Variants in PCDH15 observed in about 807,000 individuals in gnomAD.
PCDH15 encodes protocadherin-15.
A neutral mutation model predicts 178.5 loss-of-function variants in PCDH15; 129 were observed. The ratio of observed to expected loss-of-function variants is 0.72; its 90% confidence interval spans 0.63 to 0.84. The LOEUF is 0.84. Among genes scored for constraint, PCDH15 ranks in the 40% least tolerant of loss-of-function variants. The pLI is 0.00. For synonymous variants in PCDH15, 800 were observed against 732.0 expected, an observed-to-expected ratio of 1.09 and a Z score of -1.50; for missense variants, 2,230 against 2,099.9, an observed-to-expected ratio of 1.06 and a Z score of -1.21.
intron 2 of PCDH15, among the ~76,000 whole-genome samples, chr10:54,584,908 A>C (rs946856013): frequency 2.0e-5 from 3 of 152,174 alleles, no homozygotes; most frequent in Non-Finnish European, 4.4e-5. Context: ...AAAACAAGGA[A>C]GAAAAAGTAA....
intron 10 of PCDH15, among the ~76,000 whole-genome samples, chr10:54,206,329 T>C (rs964707078): frequency 6.6e-6 from 1 of 152,108 alleles, no homozygotes; most frequent in Non-Finnish European, 1.5e-5. Context: ...ATCACCGACA[T>C]GTTGAACTAT....
chr10:54,657,437 G>C (rs185653450), intron 2 of PCDH15, among the ~76,000 whole-genome samples: 2 of 152,286 alleles, frequency 1.3e-5, no homozygotes, highest in Admixed American at 1.3e-4. Flanking sequence ...CACTGGACTG[G>C]AGAGTAAAAT....
At chr10:54,412,466 T>C (rs1953680066) in intron 3 of PCDH15, among the ~76,000 whole-genome samples, 1 of 152,112 alleles carries the variant, frequency 6.6e-6, no homozygotes, top group African/African-American at 2.4e-5. Context: ...AATTTCAAGT[T>C]GGGGAATTTG....
intron 8 of PCDH15, among the ~76,000 whole-genome samples, chr10:54,263,716 T>C (rs2057483831): frequency 6.6e-6 from 1 of 151,354 alleles, no homozygotes; most frequent in African/African-American, 2.4e-5. Flanking sequence ...AGTCATACTT[T>C]CAAGGAGAAT....
At chr10:55,595,064 CTGAAA>C (rs555129123) in intron 2 of PCDH15, among the ~76,000 whole-genome samples, 7 of 151,898 alleles carry the variant, frequency 4.6e-5, no homozygotes, top group Non-Finnish European at 8.8e-5. Flanking sequence ...TTGAAATTCA[CTGAAA>C]TATGTTGAAT....
At chr10:54,348,251 T>TAATTTAGGAA (rs1223791077) in intron 5 of PCDH15, among the ~76,000 whole-genome samples, 1 of 152,104 alleles carries the variant, frequency 6.6e-6, no homozygotes, top group Non-Finnish European at 1.5e-5. Context: ...GAAAAGAATA[T>TAATTTAGGAA]AATTATGACT....
chr10:54,240,930 C>G (rs1012732935), intron 8 of PCDH15, among the ~76,000 whole-genome samples: 6 of 151,988 alleles, frequency 3.9e-5, no homozygotes, highest in Non-Finnish European at 7.4e-5. Context: ...CGCGCCTGGC[C>G]AATTCTGTTA....
intron 3 of PCDH15, among the ~76,000 whole-genome samples, chr10:54,415,520 G>C (rs1014874866): frequency 6.6e-6 from 1 of 152,018 alleles, no homozygotes; most frequent in African/African-American, 2.4e-5. Context: ...TCAAATTTTA[G>C]CAATGGGATT....
At chr10:55,170,421 T>C (rs1839302353) in intron 1 of PCDH15, among the ~76,000 whole-genome samples, 1 of 152,072 alleles carries the variant, frequency 6.6e-6, no homozygotes, top group South Asian at 2.1e-4. Flanking sequence ...AGTGCTATGA[T>C]TACAGGAATG....
At chr10:55,572,725 G>T (rs77383948) in intron 2 of PCDH15, among the ~76,000 whole-genome samples, 6,782 of 152,026 alleles carry the variant, frequency 0.045, 420 homozygotes, top group East Asian at 0.31. Context: ...GAGAAAACAG[G>T]TCTCTCTGTG....
chr10:54,838,687 G>A (rs1250643032), intron 3 of PCDH15, among the ~76,000 whole-genome samples: 1 of 152,098 alleles, frequency 6.6e-6, no homozygotes, highest in African/African-American at 2.4e-5. Context: ...CTACGCAGCT[G>A]CAGTCTAGGA....
chr10:54,297,194 C>T (rs2059854073), intron 8 of PCDH15, among the ~76,000 whole-genome samples: 2 of 152,038 alleles, frequency 1.3e-5, no homozygotes, highest in South Asian at 2.1e-4. Flanking sequence ...AACAAAACCG[C>T]AGGTGGTTTT....
chr10:55,246,559 T>G (rs1841683865), intron 1 of PCDH15, among the ~76,000 whole-genome samples: 1 of 152,218 alleles, frequency 6.6e-6, no homozygotes, highest in Non-Finnish European at 1.5e-5. Flanking sequence ...TAATGGGTAA[T>G]AAATTCCAAT....
intron 2 of PCDH15, among the ~76,000 whole-genome samples, chr10:55,626,838 A>C (rs1837539486): frequency 6.6e-6 from 1 of 152,204 alleles, no homozygotes; most frequent in Non-Finnish European, 1.5e-5. Context: ...CTTAAATAAA[A>C]ACTTTAGGCA....
chr10:54,940,439 T>C (rs1413143118), intron 2 of PCDH15, among the ~76,000 whole-genome samples: 1 of 152,206 alleles, frequency 6.6e-6, no homozygotes, highest in Non-Finnish European at 1.5e-5. Context: ...GCTAGTTTTA[T>C]GGCCTACAAT....
chr10:54,011,019 C>T (rs545399703), intron 20 of PCDH15, among the ~76,000 whole-genome samples: 1 of 152,274 alleles, frequency 6.6e-6, no homozygotes, highest in African/African-American at 2.4e-5. Context: ...TCCAGGAGGA[C>T]ACAGTCATCA....
chr10:54,631,098 G>A (rs1475618008), intron 2 of PCDH15, among the ~76,000 whole-genome samples: 1 of 152,162 alleles, frequency 6.6e-6, no homozygotes, highest in Non-Finnish European at 1.5e-5. Flanking sequence ...GCTTGGAGGT[G>A]TGTTTGGGTT....
intron 2 of PCDH15, among the ~76,000 whole-genome samples, chr10:55,039,200 GA>G (rs1460457843): frequency 2.6e-5 from 4 of 151,060 alleles, no homozygotes; most frequent in South Asian, 2.1e-4. Context: ...CCAGAATACA[GA>G]AAAAAAAGAG....
intron 2 of PCDH15, among the ~76,000 whole-genome samples, chr10:55,529,069 G>T (rs1428895518): frequency 6.6e-6 from 1 of 151,862 alleles, no homozygotes; most frequent in Non-Finnish European, 1.5e-5. Context: ...CTTTTTGATG[G>T]GGTTGTTTGT....
Sources: allele counts gnomAD v4.1 joint callset (sites outside exome capture counted in the v4.1 genomes callset), GRCh38; gene constraint gnomAD v4.1.1; transcripts MANE v1.5; gene names NCBI Gene and HGNC (gene_info 2026-07-23, HGNC 2026-07-21).